The following PDAP1 variants were observed in gnomAD, a reference collection of about 807,000 sequenced individuals.
PDAP1 encodes PDGFA associated protein 1, also known as 28 kDa heat- and acid-stable phosphoprotein.
A neutral mutation model predicts 28.0 loss-of-function variants in PDAP1; 13 were observed. That is an observed-to-expected ratio of 0.46 (90% confidence interval 0.30 to 0.74). The LOEUF is 0.74. PDAP1 is among the 30% of genes least tolerant of loss of function. The probability of loss-of-function intolerance (pLI) is 0.07; values close to 1 mark genes in which losing one functional copy is unlikely to be tolerated. For synonymous variants in PDAP1, 77 were observed against 85.1 expected (o/e 0.91, Z 0.52); for missense variants, 150 against 230.0 (o/e 0.65, Z 2.25).
rs774452396 is a variant in PDAP1 at position 99,397,846 on chromosome 7, G to A, written c.487+16C>T. ...AGAGTTGGGGCCTGTCCCTGCGTGC[G>A]CAGCCCAGCCCTTACCTTTCCTTTC... On this transcript the variant is annotated intron_variant, in intron 5 of 5. Coordinates refer to ENST00000350498, the MANE Select transcript of PDAP1 (RefSeq NM_014891.7). The A allele has an allele frequency of 2.5e-6, 4 of 1,610,992 alleles. No individual in the cohort carries two copies. Among genetic ancestry groups the A allele is most frequent in the East Asian group, 2.2e-5 (1 of 44,846 alleles).
intron 3 of PDAP1, among the ~76,000 whole-genome samples, chr7:99,402,714 C>T (rs1440591643): frequency 6.6e-6 from 1 of 151,372 alleles, no homozygotes; most frequent in Admixed American, 6.6e-5. Context: ...AACCCTGTCT[C>T]TACTAAAAAT....
chr7:99,398,141 C>A, intron 4 of PDAP1, 128 bp from the exon 5 acceptor site: 1 of 995,936 alleles, frequency 1.0e-6, no homozygotes, highest in Non-Finnish European at 1.5e-6. Context: ...GGCTGTGAGT[C>A]CCTGCCTCCA....
chr7:99,402,140 A>G (rs182280370), intron 3 of PDAP1, among the ~76,000 whole-genome samples: 46 of 150,076 alleles, frequency 3.1e-4, no homozygotes, highest in African/African-American at 1.1e-3. Flanking sequence ...GAGGCAGAAG[A>G]ATGGCCTGAA....
chr7:99,400,697 G>A (rs1240465507), intron 3 of PDAP1, among the ~76,000 whole-genome samples: 7 of 152,144 alleles, frequency 4.6e-5, no homozygotes, highest in Non-Finnish European at 8.8e-5. Flanking sequence ...GCCCTACCCC[G>A]ACTTGCAAGC....
chr7:99,403,317 G>C (rs999307724), intron 3 of PDAP1, 81 bp downstream of exon 3: 1 of 830,598 alleles, frequency 1.2e-6, no homozygotes, highest in African/African-American at 1.7e-5. Flanking sequence ...TCTACCTTTG[G>C]GACTAGTACT....
chr7:99,399,034 G>A (rs528998737), intron 4 of PDAP1, among the ~76,000 whole-genome samples: 1 of 152,272 alleles, frequency 6.6e-6, no homozygotes, highest in African/African-American at 2.4e-5. Context: ...GGATGAGATC[G>A]GAGGGCCTAT....
chr7:99,404,002 C>T (rs2269985), intron 2 of PDAP1, among the ~76,000 whole-genome samples: 6,865 of 152,248 alleles, frequency 0.045, 506 homozygotes, highest in East Asian at 0.32. Context: ...CACCAGCTCC[C>T]CAGAACAACA....
intron 3 of PDAP1, 177 bp downstream of exon 3, chr7:99,403,221 C>A (rs1295105144): frequency 1.7e-6 from 1 of 597,254 alleles, no homozygotes; most frequent in Non-Finnish European, 3.0e-6. Flanking sequence ...AGTAACACTT[C>A]TCATTACTTG....
chr7:99,398,169 G>A (rs1055966375), intron 4 of PDAP1, among the ~76,000 whole-genome samples, 156 bp from the exon 5 acceptor site: 1 of 152,244 alleles, frequency 6.6e-6, no homozygotes, highest in African/African-American at 2.4e-5. Flanking sequence ...CCTGCTTGGT[G>A]GACGTTCACC....
intron 3 of PDAP1, 33 bp downstream of exon 3, chr7:99,403,365 T>A: frequency 2.3e-6 from 3 of 1,299,028 alleles, no homozygotes; most frequent in Non-Finnish European, 3.4e-6. Flanking sequence ...AATGAATGAG[T>A]CCAGGCTCTA....
At chr7:99,406,444 G>A (rs1284123326) in intron 1 of PDAP1, 2 of 394,512 alleles carry the variant, frequency 5.1e-6, no homozygotes, top group Non-Finnish European at 6.9e-6. Context: ...CAAACCTACA[G>A]GCAAAAACTT....
intron 4 of PDAP1, 122 bp downstream of exon 4, chr7:99,400,181 C>G: frequency 9.5e-7 from 1 of 1,048,692 alleles, no homozygotes; most frequent in Non-Finnish European, 1.4e-6. Context: ...TACTGGAGGG[C>G]CATTGGGGAA....
At position 99,400,339 on chromosome 7, in the gene PDAP1, T is replaced by G. The variant is rs1163650737; in HGVS notation, c.299A>C (p.Asp100Ala). ...AQTTKKVTQL[D>A]LDGPKELSRR... is the part of the protein sequence containing the mutation. The stretch of plus-strand genomic sequence containing the variant: ...CGAAAGCTCCTTTGGCCCGTCCAGA[T>G]CCAGTTGTGTGACCTTTTTGGTTGT... Residue 100 changes from aspartate to alanine, a missense_variant, in exon 4 of 6, where the codon GAT becomes GCT. Coordinates refer to ENST00000350498, the MANE Select transcript of PDAP1 (RefSeq NM_014891.7). 3.1e-6 allele frequency: 5 copies of G among 1,613,832 alleles called. No homozygotes were observed. The highest frequency in any genetic ancestry group is 4.2e-6 in the Non-Finnish European group (5 of 1,179,876).
intron 4 of PDAP1, 31 bp downstream of exon 4, chr7:99,400,272 C>G (rs1794839724): frequency 5.0e-6 from 8 of 1,611,968 alleles, no homozygotes; most frequent in Non-Finnish European, 6.8e-6. Context: ...CCTGTATTCC[C>G]CGTGACACAA....
chr7:99,407,581 T>C (rs1014356172), intron 1 of PDAP1, among the ~76,000 whole-genome samples: 2 of 152,214 alleles, frequency 1.3e-5, no homozygotes, highest in Non-Finnish European at 2.9e-5. Context: ...AACACAAATA[T>C]ATTTGTTCTG....
rs1284069677 is a variant in PDAP1 at position 99,394,674 on chromosome 7, T to C, written c.*2008A>G. 6.7e-6 allele frequency: 9 copies of C among 1,335,832 alleles called. No individual in the cohort carries two copies. The highest frequency in any genetic ancestry group is 3.6e-5 in the Admixed American group (1 of 28,122). The allele number at this position is 1,335,832 out of a possible 1,614,324, so 82.7% of individuals were successfully genotyped here. Reference sequence around the variant, plus strand: ...TTACCTATTCAAGGAATACGTGCCTTTTTCTTAAATGCTTTCATTTATTGA... The same window carrying C: ...TTACCTATTCAAGGAATACGTGCCTCTTTCTTAAATGCTTTCATTTATTGA... On this transcript the variant is annotated 3_prime_UTR_variant, in exon 6 of 6. Coordinates refer to ENST00000350498, the MANE Select transcript of PDAP1 (RefSeq NM_014891.7).
At chr7:99,405,949 A>C (rs1198132100) in intron 1 of PDAP1, among the ~76,000 whole-genome samples, 1 of 152,224 alleles carries the variant, frequency 6.6e-6, no homozygotes, top group East Asian at 1.9e-4. Context: ...CTGAATAAGC[A>C]CTACAAAAAT....
In PDAP1 at chr7:99,404,931, G is replaced by A; in HGVS notation, c.36C>T (p.Gly12=). The A allele has an allele frequency of 1.9e-6, 3 of 1,613,830 alleles. No homozygotes were observed. In the South Asian group the frequency reaches 3.3e-5, roughly 18 times the overall value. The part of the protein sequence containing the change: ...PKGGRKGGHK[G]RARQYTSPEE... ...CAGGGCTTGTATACTGCCTCGCCCG[G>A]CCTTTGTGGCCTCCCTTTCTTCCTG... Residue 12 remains glycine, a synonymous_variant, in exon 2 of 6, where the codon GGC becomes GGT. Coordinates refer to ENST00000350498, the MANE Select transcript of PDAP1 (RefSeq NM_014891.7).
intron 5 of PDAP1, 45 bp from the exon 6 acceptor site, chr7:99,396,785 C>G: frequency 1.4e-6 from 2 of 1,471,034 alleles, no homozygotes; most frequent in South Asian, 1.1e-5. Context: ...AGCAACCCCC[C>G]ACCCCCTCCC....
Sources: allele counts gnomAD v4.1 joint callset (sites outside exome capture counted in the v4.1 genomes callset), GRCh38; gene constraint gnomAD v4.1.1; transcripts MANE v1.5; gene names NCBI Gene and HGNC (gene_info 2026-07-23, HGNC 2026-07-21).